EPHA5: variants seen among roughly 807,000 people sequenced by gnomAD.
The protein encoded by EPHA5 is EPH receptor A5, also known as ephrin type-A receptor 5.
In EPHA5, 60 loss-of-function variants were observed where a neutral mutation model predicts 105.0. That is an observed-to-expected ratio of 0.57 (90% CI 0.46 to 0.71). The LOEUF is 0.71. EPHA5 is among the 30% of genes least tolerant of loss of function. The pLI is 0.00. For synonymous variants in EPHA5, 513 were observed against 449.1 expected (o/e 1.14, Z -1.80); for missense variants, 1,218 against 1,274.7 (o/e 0.96, Z 0.68).
At chr4:65,420,289 A>G in intron 6 of EPHA5, 152 bp downstream of exon 6, 1 of 716,894 alleles carries the variant, frequency 1.4e-6, no homozygotes, top group Non-Finnish European at 2.2e-6. Flanking sequence ...AGCTCCCTGT[A>G]CACTTCTAGC....
chr4:65,468,676 AT>A (rs1364591976), intron 5 of EPHA5, among the ~76,000 whole-genome samples: 3 of 10,504 alleles, frequency 2.9e-4, no homozygotes, highest in Admixed American at 2.0e-3. Flanking sequence ...TATAACATAT[AT>A]ACATATATAT....
chr4:65,341,960 A>G (rs1018331178), intron 14 of EPHA5, among the ~76,000 whole-genome samples: 5 of 152,276 alleles, frequency 3.3e-5, no homozygotes, highest in African/African-American at 9.6e-5. Flanking sequence ...CTAAGATTCT[A>G]AGATATATCC....
chr4:65,507,925 T>TCCCC (rs58624588), intron 3 of EPHA5, among the ~76,000 whole-genome samples: 7,066 of 152,118 alleles, frequency 0.046, 272 homozygotes, highest in African/African-American at 0.1. Flanking sequence ...ATACCCAAAT[T>TCCCC]CCCCACTCAT....
chr4:65,409,201 GA>G (rs1191767033), intron 7 of EPHA5, among the ~76,000 whole-genome samples: 1 of 79,358 alleles, frequency 1.3e-5, no homozygotes, highest in African/African-American at 5.0e-5. Flanking sequence ...GGGGTGGGGG[GA>G]GGGGGGAGGG....
intron 3 of EPHA5, among the ~76,000 whole-genome samples, chr4:65,537,934 A>G (rs754338450): frequency 2.0e-5 from 3 of 151,744 alleles, no homozygotes; most frequent in Non-Finnish European, 4.4e-5. Flanking sequence ...ATCACTTAAT[A>G]ATCATAACTA....
chr4:65,527,467 G>C (rs1468152344), intron 3 of EPHA5, among the ~76,000 whole-genome samples: 1 of 152,020 alleles, frequency 6.6e-6, no homozygotes, highest in East Asian at 1.9e-4. Flanking sequence ...CATAACTTCA[G>C]GATAATGTTT....
chr4:65,630,895 A>G (rs1332516891), intron 2 of EPHA5, among the ~76,000 whole-genome samples: 2 of 152,198 alleles, frequency 1.3e-5, no homozygotes, highest in Admixed American at 1.3e-4. Context: ...TCATAAGGTT[A>G]GAATATTTCC....
At chr4:65,528,094 A>G (rs1325274768) in intron 3 of EPHA5, among the ~76,000 whole-genome samples, 3 of 152,074 alleles carry the variant, frequency 2.0e-5, no homozygotes, top group African/African-American at 7.2e-5. Flanking sequence ...TCTATCAACA[A>G]TTTGACCAGA....
In EPHA5 at chr4:65,319,947, C is replaced by T. The variant is rs1719505627; in HGVS notation, c.*4167G>A. The T allele has an allele frequency of 4.3e-6, 1 of 230,014 alleles. No individual in the cohort carries two copies. The highest frequency in any genetic ancestry group is 8.6e-6 in the Non-Finnish European group (1 of 116,090). 14.2% of individuals were successfully genotyped at this position (230,014 alleles called of 1,614,324 possible). On this transcript the variant is annotated 3_prime_UTR_variant, in exon 17 of 17. Coordinates refer to ENST00000613740, the MANE Select transcript of EPHA5 (RefSeq NM_001281766.3). The stretch of plus-strand genomic sequence containing the variant: ...TGAAACTTCTACTGTGAATACAGTT[C>T]CCAGCCTGAATAAACATGACATTTT...
chr4:65,516,728 T>G (rs1734141600), intron 3 of EPHA5, among the ~76,000 whole-genome samples: 1 of 152,144 alleles, frequency 6.6e-6, no homozygotes, highest in Non-Finnish European at 1.5e-5. Context: ...ATTTTCTTCC[T>G]TTTAAATCTA....
chr4:65,326,455 G>A (rs1291612175), intron 16 of EPHA5, among the ~76,000 whole-genome samples: 1 of 151,356 alleles, frequency 6.6e-6, no homozygotes, highest in Non-Finnish European at 1.5e-5. Flanking sequence ...AATGTCTAAT[G>A]AAGGGAATGA....
chr4:65,572,510 T>G (rs1740294770), intron 3 of EPHA5, among the ~76,000 whole-genome samples: 1 of 152,168 alleles, frequency 6.6e-6, no homozygotes, highest in Non-Finnish European at 1.5e-5. Context: ...TGGAAAGAAT[T>G]TAGATACTTA....
chr4:65,560,241 A>C (rs1469865648), intron 3 of EPHA5, among the ~76,000 whole-genome samples: 2 of 152,156 alleles, frequency 1.3e-5, no homozygotes, highest in African/African-American at 2.4e-5. Context: ...TTTTTCAAAT[A>C]AGGAATTTCT....
At chr4:65,571,665 G>A (rs1740197914) in intron 3 of EPHA5, among the ~76,000 whole-genome samples, 1 of 151,966 alleles carries the variant, frequency 6.6e-6, no homozygotes, top group African/African-American at 2.4e-5. Context: ...TTTAACTTAA[G>A]TTGATTCTTA....
intron 3 of EPHA5, among the ~76,000 whole-genome samples, chr4:65,577,847 A>G (rs1252457537): frequency 6.6e-6 from 1 of 152,108 alleles, no homozygotes; most frequent in African/African-American, 2.4e-5. Flanking sequence ...AGGTGCCTTT[A>G]CAAATCCTGT....
At chr4:65,336,334 G>T (rs760974225) in intron 14 of EPHA5, among the ~76,000 whole-genome samples, 1 of 151,730 alleles carries the variant, frequency 6.6e-6, no homozygotes, top group Non-Finnish European at 1.5e-5. Context: ...AAAAAGATAG[G>T]CTTTCTTCAC....
chr4:65,348,779 A>ATGTGTGTGTGTG lies in EPHA5; in HGVS notation c.2446-588_2446-577dup, dbSNP rs758698685. On this transcript the variant is annotated intron_variant, in intron 13 of 16. Transcript: ENST00000613740. ...TATATGTGTATATATATGTGTGTGC[A>ATGTGTGTGTGTG]TGTGTGTGTGTGTGTATATATATAT... Among the ~76,000 whole-genome samples, 67 of 69,572 alleles carry ATGTGTGTGTGTG rather than the reference A, an allele frequency of 9.6e-4. 2 individuals carry two copies. The highest frequency in any genetic ancestry group is 1.4e-3 in the Non-Finnish European group (52 of 36,462). The allele number at this position is 69,572 out of a possible 152,430, so 45.6% of individuals were successfully genotyped here. A position where few individuals can be genotyped will look rare whatever the true frequency, so the allele number is the denominator to read the frequency against.
At chr4:65,477,372 A>T (rs899149522) in intron 5 of EPHA5, among the ~76,000 whole-genome samples, 1 of 152,020 alleles carries the variant, frequency 6.6e-6, no homozygotes, top group African/African-American at 2.4e-5. Flanking sequence ...TAGATCTGTG[A>T]CCTTGGGGGA....
chr4:65,650,559 C>CAAAAAAAAA lies in EPHA5; in HGVS notation c.182-7141_182-7133dup, dbSNP rs59357895. Among the ~76,000 whole-genome samples, 25 of 117,000 alleles carry CAAAAAAAAA rather than the reference C, an allele frequency of 2.1e-4. 1 individual carries two copies. The highest frequency in any genetic ancestry group is 3.3e-4 in the African/African-American group (9 of 27,182). The allele number at this position is 117,000 out of a possible 152,430, so 76.8% of individuals were successfully genotyped here. Reference sequence around the variant, plus strand: ...TGGGCAACAGAGTGAGACTCAGTCTCAAAAAAAAAAAAAGAGCTAGTTGTT... The same window carrying CAAAAAAAAA: ...TGGGCAACAGAGTGAGACTCAGTCTCAAAAAAAAAAAAAAAAAAAAAAGAGCTAGTTGTT... On this transcript the variant is annotated intron_variant, in intron 1 of 16. Transcript: ENST00000613740.
Sources: allele counts gnomAD v4.1 joint callset (sites outside exome capture counted in the v4.1 genomes callset), GRCh38; gene constraint gnomAD v4.1.1; transcripts MANE v1.5; gene names NCBI Gene and HGNC (gene_info 2026-07-23, HGNC 2026-07-21).